Variants in JRK observed in about 807,000 individuals in gnomAD.
The protein encoded by JRK is jerky protein homolog.
For missense variants in JRK, 720 were observed against 509.2 expected (o/e 1.41, Z -3.98); for synonymous variants, 303 against 218.1 (o/e 1.39, Z -3.43).
chr8:142,650,466 C>T, the JRK span, among the ~76,000 whole-genome samples: 29 of 152,338 alleles, frequency 1.9e-4, no homozygotes, highest in Admixed American at 5.2e-4. Context: ...TCCCACAATT[C>T]CCACATGTCG....
At position 142,664,234 on chromosome 8, in the gene JRK, G is replaced by A; in HGVS notation, c.*118C>T. 1 of 1,418,286 alleles carries A rather than the reference G, an allele frequency of 7.1e-7. No individual in the cohort carries two copies. Among genetic ancestry groups the A allele is most frequent in the Non-Finnish European group, 9.2e-7 (1 of 1,082,872 alleles). The allele number at this position is 1,418,286 out of a possible 1,614,324, so 87.9% of individuals were successfully genotyped here. On this transcript the variant is annotated 3_prime_UTR_variant, in exon 2 of 2. Coordinates refer to ENST00000612905, the MANE Select transcript of JRK (RefSeq NM_003724.4). ...ACCCGTGGGCGACCCACTCCTGGAA[G>A]GGCTCTTGAGTGTCTGCACATGCCC...
Position 142,662,606 on chromosome 8 carries a change from C to A in JRK, c.*1746G>T. On this transcript the variant is annotated 3_prime_UTR_variant, in exon 2 of 2. Transcript: ENST00000612905. ...CTATTTGGCTTTTATAATCTTCACA[C>A]ATGCATTCAAAGCAAGAAACACACA... The A allele has an allele frequency of 2.0e-6, 2 of 985,414 alleles. No homozygotes were observed. Among genetic ancestry groups the A allele is most frequent in the Non-Finnish European group, 2.4e-6 (2 of 829,946 alleles). The allele number at this position is 985,414 out of a possible 1,614,324, so 61.0% of individuals were successfully genotyped here.
chr8:142,654,953 G>A (rs978635658), downstream of JRK, among the ~76,000 whole-genome samples: 21 of 152,080 alleles, frequency 1.4e-4, no homozygotes, highest in African/African-American at 7.2e-5. Context: ...TGCCAGCCTC[G>A]GGGTCCCTTC....
Position 142,660,962 on chromosome 8 carries a change from C to T in JRK, c.*3390G>A. ...CTCCAACCCCAGCGAGCTGGGGAAGCCGTGGGCAGGGGCTGCGACTTCCTT... is the reference window on the plus strand; with the variant it reads ...CTCCAACCCCAGCGAGCTGGGGAAGTCGTGGGCAGGGGCTGCGACTTCCTT... On this transcript the variant is annotated 3_prime_UTR_variant, in exon 2 of 2. Coordinates refer to ENST00000612905, the MANE Select transcript of JRK (RefSeq NM_003724.4). 1 of 985,446 alleles carries T rather than the reference C, an allele frequency of 1.0e-6. No individual in the cohort carries two copies. Among genetic ancestry groups the T allele is most frequent in the East Asian group, 1.1e-4 (1 of 8,792 alleles). The allele number at this position is 985,446 out of a possible 1,614,324, so 61.0% of individuals were successfully genotyped here.
At position 142,663,760 on chromosome 8, in the gene JRK, G is replaced by C; in HGVS notation, c.*592C>G. 1 of 985,570 alleles carries C rather than the reference G, an allele frequency of 1.0e-6. No individual in the cohort carries two copies. Among genetic ancestry groups the C allele is most frequent in the African/African-American group, 1.7e-5 (1 of 57,372 alleles). 61.1% of individuals were successfully genotyped at this position (985,570 alleles called of 1,614,324 possible). A position where few individuals can be genotyped will look rare whatever the true frequency, so the allele number is the denominator to read the frequency against. On this transcript the variant is annotated 3_prime_UTR_variant, in exon 2 of 2. Transcript: ENST00000612905. Reference sequence around the variant, plus strand: ...GTTCCAGAGTCATTCTGCTGAATGAGGCCACAACTGAAGTGAGATGTGCGG... The same window carrying C: ...GTTCCAGAGTCATTCTGCTGAATGACGCCACAACTGAAGTGAGATGTGCGG...
At position 142,665,206 on chromosome 8, in the gene JRK, T is replaced by C; in HGVS notation, c.853A>G (p.Thr285Ala). ...TTGCTGTCTTCCGGCAAACCTATGG[T>C]TCTGAAGTGCTCTCTCACCGAGGGC... is the stretch of plus-strand genomic sequence containing the variant. The part of the protein sequence containing the change: ...FVPSVREHFR[T>A]IGLPEDSKAV... Residue 285 changes from threonine (T) to alanine (A), a missense_variant, in exon 2 of 2, where the codon ACC becomes GCC. Transcript: ENST00000612905. The C allele has an allele frequency of 1.5e-5, 11 of 717,910 alleles. No individual in the cohort carries two copies. Among genetic ancestry groups the C allele is most frequent in the Non-Finnish European group, 2.6e-5 (10 of 385,092 alleles). The allele number at this position is 717,910 out of a possible 1,614,324, so 44.5% of individuals were successfully genotyped here. A position where few individuals can be genotyped will look rare whatever the true frequency, so the allele number is the denominator to read the frequency against.
rs587690779 is a variant in JRK, at chr8:142,664,141, C to T, written c.*211G>A. ...ATTTCCTCACTTTCGGATGACACGGCAAGTGATAAAATAAAACCTGTATTG... is the reference window on the plus strand; with the variant it reads ...ATTTCCTCACTTTCGGATGACACGGTAAGTGATAAAATAAAACCTGTATTG... On this transcript the variant is annotated 3_prime_UTR_variant, in exon 2 of 2. Coordinates refer to ENST00000612905, the MANE Select transcript of JRK (RefSeq NM_003724.4). 2 of 1,332,018 alleles carry T rather than the reference C, an allele frequency of 1.5e-6. No individual in the cohort carries two copies. Among genetic ancestry groups the T allele is most frequent in the East Asian group, 2.8e-5 (1 of 36,274 alleles). The allele number at this position is 1,332,018 out of a possible 1,614,324, so 82.5% of individuals were successfully genotyped here. A position where few individuals can be genotyped will look rare whatever the true frequency, so the allele number is the denominator to read the frequency against.
Position 142,657,687 on chromosome 8 carries a change from T to G in JRK, c.*6665A>C, listed in dbSNP as rs1423214979. On this transcript the variant is annotated 3_prime_UTR_variant, in exon 2 of 2. Coordinates refer to ENST00000612905, the MANE Select transcript of JRK (RefSeq NM_003724.4). ...AGAAACTAATCAAGTGAGAACTCAC[T>G]TGTTACCACAAAGATGGCACCAGGC... The G allele has an allele frequency of 6.6e-6, 1 of 152,174 alleles. No individual in the cohort carries two copies. The highest frequency in any genetic ancestry group is 1.5e-5 in the Non-Finnish European group (1 of 68,026). The allele number at this position is 152,174 out of a possible 1,614,324, so 9.4% of individuals were successfully genotyped here.
chr8:142,653,069 A>C (rs1846694697), downstream of JRK, among the ~76,000 whole-genome samples: 1 of 152,214 alleles, frequency 6.6e-6, no homozygotes, highest in East Asian at 1.9e-4. Context: ...TTTTAAGTGC[A>C]AGAGATCTGA....
At chr8:142,644,472 T>C in the JRK span, among the ~76,000 whole-genome samples, 1 of 152,196 alleles carries the variant, frequency 6.6e-6, no homozygotes, top group Non-Finnish European at 1.5e-5. Flanking sequence ...CATTTCATAT[T>C]TGACAACACT....
chr8:142,659,506 C>T lies in JRK; in HGVS notation c.*4846G>A, dbSNP rs1846846719. ...TGCTGACAGGCTCTCTGCGATAGGG[C>T]CCAGCCATGGCCAGTGGGCCTCCCA... is the stretch of plus-strand genomic sequence containing the variant. On this transcript the variant is annotated 3_prime_UTR_variant, in exon 2 of 2. Coordinates refer to ENST00000612905, the MANE Select transcript of JRK (RefSeq NM_003724.4). The T allele has an allele frequency of 1.0e-6, 1 of 985,964 alleles. No individual in the cohort carries two copies. Among genetic ancestry groups the T allele is most frequent in the Non-Finnish European group, 1.2e-6 (1 of 830,380 alleles). The allele number at this position is 985,964 out of a possible 1,614,324, so 61.1% of individuals were successfully genotyped here.
At chr8:142,669,072 G>C (rs1040960237) in intron 1 of JRK, among the ~76,000 whole-genome samples, 3 of 152,110 alleles carry the variant, frequency 2.0e-5, no homozygotes, top group Non-Finnish European at 4.4e-5. Flanking sequence ...AGGCCTGAGG[G>C]GCCAGCGCTG....
downstream of JRK, among the ~76,000 whole-genome samples, chr8:142,656,189 G>C (rs782237264): frequency 6.6e-6 from 1 of 152,142 alleles, no homozygotes; most frequent in Non-Finnish European, 1.5e-5. Context: ...GGACATCTTA[G>C]GTAACCTATT....
In JRK at chr8:142,665,970, G is replaced by A. The variant is rs34288113; in HGVS notation, c.89C>T (p.Thr30Met). The change falls in exon 2 of 2, where the codon ACG becomes ATG. Residue 30 changes from threonine to methionine, a missense_variant. Coordinates refer to ENST00000612905, the MANE Select transcript of JRK (RefSeq NM_003724.4). ...CCGGCTCTCGCCCTTCTCCAGGCGC[G>A]TGCAGATGTCAATCTTCTCCTTCAG... ...LTLKEKIDIC[T>M]RLEKGESRKA... The A allele has an allele frequency of 0.042, 45,663 of 1,075,296 alleles. 1,140 individuals are homozygous for A. The highest frequency in any genetic ancestry group is 0.052 in the Non-Finnish European group (35,617 of 688,004). 66.6% of individuals were successfully genotyped at this position (1,075,296 alleles called of 1,614,324 possible). A position where few individuals can be genotyped will look rare whatever the true frequency, so the allele number is the denominator to read the frequency against.
chr8:142,655,893 A>T (rs949736283), downstream of JRK, among the ~76,000 whole-genome samples: 2 of 152,170 alleles, frequency 1.3e-5, no homozygotes, highest in African/African-American at 4.8e-5. Context: ...AGGGATCACC[A>T]TTTACATTTT....
downstream of JRK, among the ~76,000 whole-genome samples, chr8:142,655,135 A>G (rs1303073194): frequency 6.6e-6 from 1 of 152,158 alleles, no homozygotes; most frequent in Non-Finnish European, 1.5e-5. Context: ...GATGGGTCCT[A>G]GTAGTGCCAG....
At position 142,658,719 on chromosome 8, in the gene JRK, A is replaced by C; in HGVS notation, c.*5633T>G. 2 of 1,394,192 alleles carry C rather than the reference A, an allele frequency of 1.4e-6. No homozygotes were observed. The allele number at this position is 1,394,192 out of a possible 1,614,324, so 86.4% of individuals were successfully genotyped here. Reference sequence around the variant, plus strand: ...TTCAACATATAAACTTTGGGGGGGGACACAAACATGCAGTCCTTAACACCA... The same window carrying C: ...TTCAACATATAAACTTTGGGGGGGGCCACAAACATGCAGTCCTTAACACCA... On this transcript the variant is annotated 3_prime_UTR_variant, in exon 2 of 2. Coordinates refer to ENST00000612905, the MANE Select transcript of JRK (RefSeq NM_003724.4).
In JRK at chr8:142,660,419, T is replaced by C. The variant is rs1378223986; in HGVS notation, c.*3933A>G. ...AAGCACATTTTGTTATTTTTTGTTT[T>C]TAGAGATTAGGTCTCTCACTCTGTC... is the stretch of plus-strand genomic sequence containing the variant. On this transcript the variant is annotated 3_prime_UTR_variant, in exon 2 of 2. Transcript: ENST00000612905. 5.1e-6 allele frequency: 5 copies of C among 985,384 alleles called. No individual in the cohort carries two copies. The highest frequency in any genetic ancestry group is 6.0e-6 in the Non-Finnish European group (5 of 829,970). 61.0% of individuals were successfully genotyped at this position (985,384 alleles called of 1,614,324 possible). A position where few individuals can be genotyped will look rare whatever the true frequency, so the allele number is the denominator to read the frequency against.
Position 142,665,722 on chromosome 8 carries a change from T to C in JRK, c.337A>G (p.Ile113Val). 1.3e-6 allele frequency: 1 copy of C among 767,302 alleles called. No individual in the cohort carries two copies. The highest frequency in any genetic ancestry group is 2.4e-6 in the Non-Finnish European group (1 of 412,048). 47.5% of individuals were successfully genotyped at this position (767,302 alleles called of 1,614,324 possible). A position where few individuals can be genotyped will look rare whatever the true frequency, so the allele number is the denominator to read the frequency against. The change falls in exon 2 of 2, where the codon ATC (isoleucine) becomes GTC (valine). Residue 113 changes from isoleucine to valine, a missense_variant. Ile to Val is a conservative substitution (Grantham distance 29). Coordinates refer to ENST00000612905, the MANE Select transcript of JRK (RefSeq NM_003724.4). ...TCGTAGAAGTCCTTGGCCTTCTCGATGAGCATGGGGCCTGACACGGGGACG... is the reference window on the plus strand; with the variant it reads ...TCGTAGAAGTCCTTGGCCTTCTCGACGAGCATGGGGCCTGACACGGGGACG... ...EGVPVSGPML[I>V]EKAKDFYEQM...
Sources: gnomAD v4.1 joint callset for allele counts (sites outside exome capture counted in the v4.1 genomes callset) on GRCh38, gnomAD v4.1.1 for gene constraint, MANE v1.5 for transcripts, NCBI Gene and HGNC (gene_info 2026-07-23, HGNC 2026-07-21) for gene names.